The following AUTS2 variants were observed in gnomAD, a reference collection of about 807,000 sequenced individuals.
The protein encoded by AUTS2 is activator of transcription and developmental regulator AUTS2, also known as autism susceptibility gene 2 protein.
In AUTS2, 17 loss-of-function variants were observed where a neutral mutation model predicts 112.4. The observed-to-expected ratio is 0.15, with a 90% CI of 0.10 to 0.23. The LOEUF is 0.23. Among genes scored for constraint, AUTS2 ranks in the 10% least tolerant of loss-of-function variants. AUTS2 has a pLI of 1.00. For missense variants in AUTS2, 1,510 were observed against 1,701.6 expected, an observed-to-expected ratio of 0.89 and a Z score of 1.98; for synonymous variants, 751 against 702.7, an observed-to-expected ratio of 1.07 and a Z score of -1.09.
chr7:70,300,563 C>T (rs535912303), intron 4 of AUTS2, among the ~76,000 whole-genome samples: 1 of 152,238 alleles, frequency 6.6e-6, no homozygotes, highest in South Asian at 2.1e-4. Flanking sequence ...TTTAGTTTTG[C>T]TAATCCCTTT....
intron 2 of AUTS2, among the ~76,000 whole-genome samples, chr7:69,992,159 C>T (rs189647851): frequency 1.3e-3 from 192 of 152,180 alleles, no homozygotes; most frequent in Middle Eastern, 3.4e-3. Context: ...CCATGTGAGA[C>T]GGAAAAGGAG....
chr7:70,192,857 C>CT (rs1809975290), intron 4 of AUTS2, among the ~76,000 whole-genome samples: 1 of 151,974 alleles, frequency 6.6e-6, no homozygotes. Flanking sequence ...ATGACATGGA[C>CT]GGGGGGAGTC....
intron 5 of AUTS2, among the ~76,000 whole-genome samples, chr7:70,678,418 C>T (rs202034110): frequency 6.6e-6 from 1 of 152,304 alleles, no homozygotes; most frequent in East Asian, 1.9e-4. Context: ...CCTCAACTCT[C>T]CTTGGAGTGG....
intron 5 of AUTS2, among the ~76,000 whole-genome samples, chr7:70,446,992 A>T (rs925519416): frequency 6.6e-6 from 1 of 152,158 alleles, no homozygotes; most frequent in Non-Finnish European, 1.5e-5. Flanking sequence ...TCTCTCCTTG[A>T]TGACTTCAGC....
intron 5 of AUTS2, among the ~76,000 whole-genome samples, chr7:70,499,996 A>T (rs141622623): frequency 6.6e-6 from 1 of 152,168 alleles, no homozygotes; most frequent in East Asian, 1.9e-4. Context: ...GTACGTGTGG[A>T]GTGCCATAGC....
At chr7:69,961,520 T>C (rs1184662075) in intron 2 of AUTS2, among the ~76,000 whole-genome samples, 1 of 152,184 alleles carries the variant, frequency 6.6e-6, no homozygotes, top group East Asian at 1.9e-4. Flanking sequence ...TATATTCTGA[T>C]AATTTCCTTT....
chr7:69,738,366 C>T (rs1787124683), intron 1 of AUTS2, among the ~76,000 whole-genome samples: 1 of 151,946 alleles, frequency 6.6e-6, no homozygotes, highest in Non-Finnish European at 1.5e-5. Context: ...TGTTTACTTC[C>T]CACAATGACC....
rs1243861302 is a variant in AUTS2, at chr7:70,719,093, C to T, written c.742+20473C>T. On this transcript the variant is annotated intron_variant, in intron 6 of 18. Transcript: ENST00000342771. Reference sequence around the variant, plus strand: ...ATCACTTCAATTAACCCATGGAACCCTCACAGTGCCCTTTTGAGGTAGATG... The same window carrying T: ...ATCACTTCAATTAACCCATGGAACCTTCACAGTGCCCTTTTGAGGTAGATG... 1.2e-4 allele frequency among the ~76,000 whole-genome samples: 19 copies of T among 152,244 alleles called. No individual in the cohort carries two copies. In the East Asian group the frequency reaches 3.5e-3, roughly 28 times the overall value.
At chr7:70,305,331 T>G (rs13226227) in intron 4 of AUTS2, among the ~76,000 whole-genome samples, 1 of 152,166 alleles carries the variant, frequency 6.6e-6, no homozygotes. Flanking sequence ...TATATGAAGG[T>G]ACCCACTGAA....
intron 2 of AUTS2, among the ~76,000 whole-genome samples, chr7:69,949,980 G>T (rs1796961801): frequency 6.6e-6 from 1 of 152,158 alleles, no homozygotes; most frequent in Non-Finnish European, 1.5e-5. Flanking sequence ...CTTCAGGAAG[G>T]TCATTGCAGC....
chr7:69,677,955 A>G (rs572416630), intron 1 of AUTS2, among the ~76,000 whole-genome samples: 1 of 152,176 alleles, frequency 6.6e-6, no homozygotes, highest in Non-Finnish European at 1.5e-5. Flanking sequence ...AGGGACCTCT[A>G]CGAGTTCTCT....
intron 5 of AUTS2, among the ~76,000 whole-genome samples, chr7:70,663,267 C>T (rs1383620930): frequency 2.6e-5 from 4 of 152,196 alleles, no homozygotes; most frequent in Non-Finnish European, 4.4e-5. Context: ...TGGTGGTACA[C>T]ACCTGTAATC....
intron 4 of AUTS2, among the ~76,000 whole-genome samples, chr7:70,178,373 T>C (rs1421892624): frequency 2.0e-5 from 3 of 152,236 alleles, no homozygotes; most frequent in African/African-American, 7.2e-5. Context: ...TTGGTTTCCT[T>C]AGTCATTATT....
intron 1 of AUTS2, among the ~76,000 whole-genome samples, chr7:69,850,207 G>C (rs955892386): frequency 2.0e-5 from 3 of 151,572 alleles, no homozygotes; most frequent in African/African-American, 7.3e-5. Context: ...GCTGAGGAAG[G>C]AGAATAGCTT....
chr7:70,714,085 A>G (rs981297743), intron 6 of AUTS2, among the ~76,000 whole-genome samples: 1 of 152,206 alleles, frequency 6.6e-6, no homozygotes, highest in Admixed American at 6.5e-5. Flanking sequence ...AATATTTTCA[A>G]CAGGGAATAT....
chr7:69,997,335 G>C (rs893993749), intron 2 of AUTS2, among the ~76,000 whole-genome samples: 21 of 152,074 alleles, frequency 1.4e-4, no homozygotes, highest in Non-Finnish European at 1.2e-4. Context: ...ACCTTTTCAC[G>C]TGATGGTCAC....
intron 1 of AUTS2, among the ~76,000 whole-genome samples, chr7:69,683,135 T>C (rs1419450001): frequency 2.0e-5 from 3 of 152,176 alleles, no homozygotes; most frequent in Non-Finnish European, 2.9e-5. Flanking sequence ...CTGATTTGTA[T>C]AGGGCCCAGG....
At chr7:70,641,710 A>C (rs1200099533) in intron 5 of AUTS2, among the ~76,000 whole-genome samples, 4 of 152,158 alleles carry the variant, frequency 2.6e-5, no homozygotes, top group African/African-American at 9.7e-5. Context: ...CCTGCTCCCC[A>C]ATTCTCAGAC....
chr7:69,881,590 T>C (rs879267240), intron 1 of AUTS2, among the ~76,000 whole-genome samples: 1 of 152,164 alleles, frequency 6.6e-6, no homozygotes, highest in East Asian at 1.9e-4. Flanking sequence ...CTCTCTCTGG[T>C]AGCAGTTAAC....
Sources: gnomAD v4.1 joint callset for allele counts (sites outside exome capture counted in the v4.1 genomes callset) on GRCh38, gnomAD v4.1.1 for gene constraint, MANE v1.5 for transcripts, NCBI Gene and HGNC (gene_info 2026-07-23, HGNC 2026-07-21) for gene names.